MROH9: variants seen among roughly 807,000 people sequenced by gnomAD.
MROH9 encodes maestro heat like repeat family member 9.
In MROH9, 92 loss-of-function variants were observed where a neutral mutation model predicts 98.2. The ratio of observed to expected loss-of-function variants is 0.94; its 90% confidence interval spans 0.79 to 1.11. The LOEUF (loss-of-function observed/expected upper bound fraction) is 1.11. Among genes scored for constraint, MROH9 ranks in the 50% most tolerant of loss-of-function variants. MROH9 has a pLI of 0.00. For synonymous variants in MROH9, 397 were observed against 368.9 expected, an observed-to-expected ratio of 1.08 and a Z score of -0.87; for missense variants, 1,057 against 1,014.8, an observed-to-expected ratio of 1.04 and a Z score of -0.57.
intron 17 of MROH9, among the ~76,000 whole-genome samples, chr1:171,018,667 T>G (rs1652408522): frequency 6.6e-6 from 1 of 152,148 alleles, no homozygotes; most frequent in Non-Finnish European, 1.5e-5. Flanking sequence ...GATAAAAGGT[T>G]AGAGGAGCTG....
Position 170,962,755 on chromosome 1 carries a change from G to GT in MROH9, c.375+781dup, listed in dbSNP as rs577288542. 1.1e-3 allele frequency among the ~76,000 whole-genome samples: 174 copies of GT among 152,016 alleles called. 1 individual carries two copies. Among genetic ancestry groups the GT allele is most frequent in the African/African-American group, 4.0e-3 (167 of 41,502 alleles). On this transcript the variant is annotated intron_variant, in intron 6 of 21. Coordinates refer to ENST00000367759, the MANE Select transcript of MROH9 (RefSeq NM_001163629.2). ...GTTTTTTTTAATTCATTTAAAAAATGTTATCCACTAGCTAGCCATATGCAG... is the reference window on the plus strand; with the variant it reads ...GTTTTTTTTAATTCATTTAAAAAATGTTTATCCACTAGCTAGCCATATGCAG...
At chr1:171,037,928 C>T (rs72710587) in intron 20 of MROH9, among the ~76,000 whole-genome samples, 13,514 of 151,794 alleles carry the variant, frequency 0.089, 745 homozygotes, top group Middle Eastern at 0.21. Context: ...TTACACGAAA[C>T]AAAATCCAGA....
intron 20 of MROH9, among the ~76,000 whole-genome samples, chr1:171,058,922 G>T (rs1348898410): frequency 2.6e-5 from 4 of 152,146 alleles, no homozygotes; most frequent in African/African-American, 9.7e-5. Context: ...ACCATTCAGG[G>T]CATATGCATG....
chr1:171,063,484 C>A (rs942103685), intron 21 of MROH9, among the ~76,000 whole-genome samples: 4 of 152,136 alleles, frequency 2.6e-5, no homozygotes, highest in Admixed American at 6.5e-5. Context: ...GATCTCCTGA[C>A]CCCGAGATCC....
intron 7 of MROH9, among the ~76,000 whole-genome samples, chr1:170,966,795 G>A (rs1271181687): frequency 2.0e-5 from 3 of 152,052 alleles, no homozygotes; most frequent in Admixed American, 6.6e-5. Context: ...AAAATAGCTC[G>A]AGTTATACAT....
chr1:170,968,366 G>A (rs1041674018), intron 7 of MROH9, among the ~76,000 whole-genome samples: 5 of 152,154 alleles, frequency 3.3e-5, no homozygotes, highest in Non-Finnish European at 1.5e-5. Context: ...CCTGAGAAAA[G>A]AGTCTTGCAT....
At chr1:170,983,107 G>A (rs994802574) in intron 8 of MROH9, among the ~76,000 whole-genome samples, 2 of 152,114 alleles carry the variant, frequency 1.3e-5, no homozygotes, top group Admixed American at 1.3e-4. Flanking sequence ...CCTGCCAATA[G>A]ACCCTCCAGC....
intron 20 of MROH9, among the ~76,000 whole-genome samples, chr1:171,042,456 C>T (rs1248132739): frequency 2.6e-5 from 4 of 152,022 alleles, no homozygotes; most frequent in Admixed American, 2.6e-4. Context: ...CAAAGAAATG[C>T]AGATATATCT....
At chr1:171,035,226 A>G (rs1653057828) in intron 20 of MROH9, among the ~76,000 whole-genome samples, 2 of 151,944 alleles carry the variant, frequency 1.3e-5, no homozygotes, top group African/African-American at 2.4e-5. Flanking sequence ...ATTAATTATA[A>G]TAACTTAGAA....
chr1:171,007,376 G>A (rs1331760598), intron 15 of MROH9, among the ~76,000 whole-genome samples: 1 of 152,132 alleles, frequency 6.6e-6, no homozygotes, highest in African/African-American at 2.4e-5. Context: ...TACACAGATG[G>A]GTGTAGCTCC....
chr1:170,999,184 A>G (rs2101817558), intron 15 of MROH9, among the ~76,000 whole-genome samples: 1 of 151,936 alleles, frequency 6.6e-6, no homozygotes, highest in African/African-American at 2.4e-5. Flanking sequence ...TTTCCCCATA[A>G]GTTATTGGGG....
chr1:170,999,049 T>C lies in MROH9; in HGVS notation c.1596+775T>C, dbSNP rs185931375. On this transcript the variant is annotated intron_variant, in intron 15 of 21. Transcript: ENST00000367759. ...TGATTTCAAATATGCTCAGTCTATT[T>C]TGACCTCTCATTAATTTTACTGCGT... Among the ~76,000 whole-genome samples, 356 of 152,282 alleles carry C rather than the reference T, an allele frequency of 2.3e-3. 1 individual carries two copies. The highest frequency in any genetic ancestry group is 3.7e-3 in the Non-Finnish European group (253 of 68,000).
intron 15 of MROH9, among the ~76,000 whole-genome samples, chr1:171,006,681 T>C (rs1053282776): frequency 6.6e-6 from 1 of 151,656 alleles, no homozygotes; most frequent in African/African-American, 2.4e-5. Context: ...TTTCTTTTTT[T>C]TTTTTTTGGC....
At position 171,006,710 on chromosome 1, in the gene MROH9, C is replaced by A. The variant is rs867278287; in HGVS notation, c.1597-7407C>A. Reference sequence around the variant, plus strand: ...TTTTGGCTAATTTCAAATGACTTGTCTTCAAGTTTGCTAATTCTTTCTTGT... The same window carrying A: ...TTTTGGCTAATTTCAAATGACTTGTATTCAAGTTTGCTAATTCTTTCTTGT... On this transcript the variant is annotated intron_variant, in intron 15 of 21. Transcript: ENST00000367759. 1.0e-4 allele frequency among the ~76,000 whole-genome samples: 13 copies of A among 129,740 alleles called. No homozygotes were observed. In the Middle Eastern group the frequency reaches 0.016, roughly 157 times the overall value. The allele number at this position is 129,740 out of a possible 152,430, so 85.1% of individuals were successfully genotyped here.
chr1:170,952,519 A>G (rs2101880229), intron 3 of MROH9, among the ~76,000 whole-genome samples: 1 of 147,652 alleles, frequency 6.8e-6, no homozygotes, highest in East Asian at 2.1e-4. Flanking sequence ...CAAACACTGC[A>G]TGTTCTCACT....
intron 17 of MROH9, among the ~76,000 whole-genome samples, chr1:171,022,416 C>A (rs1484849157): frequency 6.6e-6 from 1 of 152,106 alleles, no homozygotes; most frequent in Non-Finnish European, 1.5e-5. Flanking sequence ...ACTATGCAGC[C>A]ATAAAAAGGA....
At chr1:171,002,042 T>G (rs1362101671) in intron 15 of MROH9, among the ~76,000 whole-genome samples, 1 of 152,244 alleles carries the variant, frequency 6.6e-6, no homozygotes, top group Non-Finnish European at 1.5e-5. Flanking sequence ...TTATTTTGTC[T>G]GATATAAGAA....
At chr1:170,978,902 A>G (rs116670437) in intron 8 of MROH9, among the ~76,000 whole-genome samples, 2 of 152,268 alleles carry the variant, frequency 1.3e-5, no homozygotes, top group Non-Finnish European at 2.9e-5. Context: ...AAGACAGCAA[A>G]GAGGGCAACT....
intron 20 of MROH9, among the ~76,000 whole-genome samples, chr1:171,061,290 C>T (rs1424544471): frequency 6.6e-6 from 1 of 152,066 alleles, no homozygotes; most frequent in Non-Finnish European, 1.5e-5. Flanking sequence ...ATTGGTACAG[C>T]CACTTTGGAT....
Sources: allele counts gnomAD v4.1 joint callset (sites outside exome capture counted in the v4.1 genomes callset), GRCh38; gene constraint gnomAD v4.1.1; transcripts MANE v1.5; gene names NCBI Gene and HGNC (gene_info 2026-07-23, HGNC 2026-07-21).